Variants in DSE observed in about 807,000 individuals in gnomAD.
DSE encodes dermatan sulfate epimerase.
DSE carries 36 observed loss-of-function variants against 84.4 expected under a neutral mutation model. That is an observed-to-expected ratio of 0.43 (90% confidence interval 0.33 to 0.56). DSE has a LOEUF of 0.56. Ranked by LOEUF, DSE falls within the 20% of genes least tolerant of loss-of-function variation. DSE has a pLI of 0.06. For synonymous variants in DSE, 410 were observed against 430.1 expected (o/e 0.95, Z 0.58); for missense variants, 862 against 1,169.6 (o/e 0.74, Z 3.84).
intron 2 of DSE, among the ~76,000 whole-genome samples, chr6:116,361,028 A>G (rs936126525): frequency 1.3e-5 from 2 of 152,150 alleles, no homozygotes; most frequent in Non-Finnish European, 2.9e-5. Flanking sequence ...TCTAATATTA[A>G]AAGAGATTTT....
chr6:116,383,117 C>A (rs2114952274), intron 1 of DSE, among the ~76,000 whole-genome samples: 1 of 152,238 alleles, frequency 6.6e-6, no homozygotes. Context: ...TTCATAAAAT[C>A]TGTAATTTGG....
chr6:116,351,548 G>C (rs1420909439), intron 2 of DSE, among the ~76,000 whole-genome samples: 1 of 151,800 alleles, frequency 6.6e-6, no homozygotes, highest in Non-Finnish European at 1.5e-5. Context: ...CTCTATTATA[G>C]TGATGTTTGT....
chr6:116,319,180 G>T (rs893713694), intron 2 of DSE, among the ~76,000 whole-genome samples: 1 of 152,144 alleles, frequency 6.6e-6, no homozygotes, highest in African/African-American at 2.4e-5. Context: ...AATAAACATG[G>T]CTAATTACTT....
intron 2 of DSE, chr6:116,400,325 T>C (rs757671405): frequency 2.0e-5 from 3 of 152,222 alleles, no homozygotes; most frequent in African/African-American, 4.8e-5. Context: ...CAAACAGATA[T>C]GGGATGAGTT....
chr6:116,429,010 A>G (rs1350478334), intron 3 of DSE, among the ~76,000 whole-genome samples: 1 of 152,202 alleles, frequency 6.6e-6, no homozygotes, highest in African/African-American at 2.4e-5. Context: ...GTTGTAAGGA[A>G]CAAATAAGGA....
At position 116,345,938 on chromosome 6, in the gene DSE, T is replaced by C. The variant is rs537962433; in HGVS notation, c.-53-53260T>C. Among the ~76,000 whole-genome samples, 320 of 152,164 alleles carry C rather than the reference T, an allele frequency of 2.1e-3. 1 individual carries two copies. Among genetic ancestry groups the C allele is most frequent in the Non-Finnish European group, 2.6e-3 (178 of 67,988 alleles). On this transcript the variant is annotated intron_variant, in intron 2 of 3. Coordinates refer to the DSE transcript ENST00000430252. The stretch of plus-strand genomic sequence containing the variant: ...GGAATAAAAAATGATAAAGGGGATA[T>C]CACCATCGATCCCACAGAAATACAA...
At chr6:116,278,489 T>C in intron 2 of DSE, 1 of 1,613,362 alleles carries the variant, frequency 6.2e-7, no homozygotes, top group Non-Finnish European at 8.5e-7. Flanking sequence ...TAGGAGACCT[T>C]GTGCAGGAGT....
chr6:116,354,948 T>A (rs1778498623), intron 2 of DSE, among the ~76,000 whole-genome samples: 1 of 152,336 alleles, frequency 6.6e-6, no homozygotes, highest in East Asian at 1.9e-4. Flanking sequence ...TACGCCAAAT[T>A]TGACACTGGT....
At chr6:116,407,679 C>G (rs533691694) in intron 2 of DSE, among the ~76,000 whole-genome samples, 23 of 152,306 alleles carry the variant, frequency 1.5e-4, no homozygotes, top group African/African-American at 5.5e-4. Flanking sequence ...GTTCTTCACT[C>G]TTGCCACTCT....
intron 2 of DSE, among the ~76,000 whole-genome samples, chr6:116,288,894 G>GA (rs983566831): frequency 6.6e-6 from 1 of 151,802 alleles, no homozygotes; most frequent in African/African-American, 2.4e-5. Flanking sequence ...AGTCTTAAGG[G>GA]AAAAAAACAC....
chr6:116,272,506 G>C (rs973193742), intron 2 of DSE, among the ~76,000 whole-genome samples: 27 of 152,100 alleles, frequency 1.8e-4, no homozygotes, highest in African/African-American at 6.0e-4. Flanking sequence ...AAGACCACAG[G>C]GGGGAAACTA....
intron 2 of DSE, among the ~76,000 whole-genome samples, chr6:116,361,618 T>G (rs1007468590): frequency 6.6e-6 from 1 of 152,154 alleles, no homozygotes; most frequent in African/African-American, 2.4e-5. Context: ...ATCCTGCCAC[T>G]GTACTCCAGC....
chr6:116,323,779 ATAGT>A (rs2114769473), intron 2 of DSE, among the ~76,000 whole-genome samples: 1 of 152,348 alleles, frequency 6.6e-6, no homozygotes, highest in South Asian at 2.1e-4. Context: ...GCAATAAGTT[ATAGT>A]TAATTTTGTA....
chr6:116,302,818 A>C (rs576334575), intron 2 of DSE, among the ~76,000 whole-genome samples: 1 of 152,262 alleles, frequency 6.6e-6, no homozygotes, highest in African/African-American at 2.4e-5. Context: ...TAATTTTTGT[A>C]TAAGGTGTAA....
chr6:116,287,883 G>C (rs1411340360), intron 2 of DSE, among the ~76,000 whole-genome samples: 1 of 152,118 alleles, frequency 6.6e-6, no homozygotes, highest in East Asian at 1.9e-4. Context: ...ACTAGAGGGA[G>C]CAACTGGTCT....
At chr6:116,369,292 TG>T (rs1436756830), upstream of DSE, among the ~76,000 whole-genome samples, 2 of 152,220 alleles carry the variant, frequency 1.3e-5, no homozygotes, top group Admixed American at 6.5e-5. Context: ...TTAAACCAGA[TG>T]TTTTTTCTAA....
intron 2 of DSE, among the ~76,000 whole-genome samples, chr6:116,420,619 G>A (rs2115047725): frequency 6.6e-6 from 1 of 152,312 alleles, no homozygotes; most frequent in Admixed American, 6.5e-5. Context: ...TGTTGTTTAA[G>A]CTACCCAGTC....
At chr6:116,347,642 T>C (rs1377182516) in intron 2 of DSE, among the ~76,000 whole-genome samples, 1 of 152,170 alleles carries the variant, frequency 6.6e-6, no homozygotes, top group African/African-American at 2.4e-5. Context: ...CAAAAATTAA[T>C]TCAAGATGGA....
intron 2 of DSE, chr6:116,279,582 G>A (rs754209736): frequency 1.2e-6 from 2 of 1,602,328 alleles, no homozygotes; most frequent in Non-Finnish European, 1.7e-6. Context: ...CAACAACTCG[G>A]ATCTGGGGAG....
Sources: allele counts gnomAD v4.1 joint callset (sites outside exome capture counted in the v4.1 genomes callset), GRCh38; gene constraint gnomAD v4.1.1; transcripts MANE v1.5; gene names NCBI Gene and HGNC (gene_info 2026-07-23, HGNC 2026-07-21).